Variants in NUP62CL observed in about 807,000 individuals in gnomAD.
NUP62CL encodes the protein nucleoporin-62 C-terminal-like protein.
In NUP62CL, 13 loss-of-function variants were observed where a neutral mutation model predicts 15.3. That is an observed-to-expected ratio of 0.85 (90% CI 0.55 to 1.35). The LOEUF (loss-of-function observed/expected upper bound fraction) is 1.35, where lower values mean the gene tolerates loss of function less well. Among genes scored for constraint, NUP62CL ranks in the 40% most tolerant of loss-of-function variants. NUP62CL has a pLI of 0.00. For synonymous variants in NUP62CL, 54 were observed against 49.2 expected, an observed-to-expected ratio of 1.10 and a Z score of -0.41; for missense variants, 123 against 130.6, an observed-to-expected ratio of 0.94 and a Z score of 0.28.
In NUP62CL at chrX:107,131,511, G is replaced by T. The variant is rs995025302; in HGVS notation, c.*43-7179C>A. On this transcript the variant is annotated intron_variant, in intron 8 of 8. Transcript: ENST00000372466. ...GGAACCATTAGTGAAATTGACAGTT[G>T]GCGATAACAACTAGGGTTTTTAAAT... 2.9e-4 allele frequency: 89 copies of T among 310,003 alleles called. 1 individual carries two copies. The highest frequency in any genetic ancestry group is 4.3e-4 in the Non-Finnish European group (76 of 175,183). The allele number at this position is 310,003 out of a possible 1,213,427, so 25.5% of individuals were successfully genotyped here. A position where few individuals can be genotyped will look rare whatever the true frequency, so the allele number is the denominator to read the frequency against.
chrX:107,129,133 G>C (rs1318156907), intron 8 of NUP62CL, among the ~76,000 whole-genome samples: 1 of 111,769 alleles, frequency 8.9e-6, no homozygotes, highest in African/African-American at 3.3e-5. Context: ...GCATAAAATC[G>C]TAAGGACAAA....
intron 4 of NUP62CL, among the ~76,000 whole-genome samples, chrX:107,157,628 G>A (rs1357438858): frequency 4.6e-5 from 5 of 107,969 alleles, no homozygotes; most frequent in African/African-American, 1.4e-4. Flanking sequence ...CCTGAAGGAA[G>A]CGCTAAACAT....
intron 8 of NUP62CL, among the ~76,000 whole-genome samples, chrX:107,140,284 T>C (rs761474319): frequency 8.9e-6 from 1 of 111,866 alleles, no homozygotes; most frequent in African/African-American, 3.2e-5. Context: ...CATTTCAAAT[T>C]CTACCTTTTC....
intron 8 of NUP62CL, among the ~76,000 whole-genome samples, chrX:107,139,988 G>T (rs1925727942): frequency 9.0e-6 from 1 of 111,645 alleles, no homozygotes; most frequent in Admixed American, 9.5e-5. Flanking sequence ...TCTGATGGGA[G>T]AAAGAGTATT....
chrX:107,140,250 T>C (rs1422390340), intron 8 of NUP62CL, among the ~76,000 whole-genome samples: 1 of 112,246 alleles, frequency 8.9e-6, no homozygotes, highest in Admixed American at 9.4e-5. Context: ...GTCATCCTGT[T>C]GAAATTATTA....
intron 2 of NUP62CL, among the ~76,000 whole-genome samples, chrX:107,189,812 A>G (rs866973161): frequency 3.0e-5 from 2 of 67,279 alleles, no homozygotes; most frequent in Non-Finnish European, 5.4e-5. Context: ...GAGAGAGAGA[A>G]AGAAAGAAAG....
At chrX:107,187,742 A>G (rs781232264) in intron 2 of NUP62CL, among the ~76,000 whole-genome samples, 32 of 112,844 alleles carry the variant, frequency 2.8e-4, no homozygotes, top group Admixed American at 1.0e-3. Context: ...CAATTCTAGT[A>G]AGACTGACAA....
At chrX:107,125,395 C>A (rs983916196) in intron 8 of NUP62CL, among the ~76,000 whole-genome samples, 1 of 110,846 alleles carries the variant, frequency 9.0e-6, no homozygotes, top group Non-Finnish European at 1.9e-5. Flanking sequence ...TGGTTTTTTA[C>A]TGTGTAGGGA....
intron 8 of NUP62CL, chrX:107,132,213 T>C: frequency 9.1e-7 from 1 of 1,099,729 alleles, no homozygotes; most frequent in Non-Finnish European, 1.3e-6. Context: ...CTGGTCCTCT[T>C]ATTGATATAC....
intron 1 of NUP62CL, among the ~76,000 whole-genome samples, chrX:107,205,799 G>A (rs1219786041): frequency 9.0e-6 from 1 of 110,718 alleles, no homozygotes; most frequent in Non-Finnish European, 1.9e-5. Flanking sequence ...GCAGTGGCAA[G>A]CGAGCGGCGC....
intron 8 of NUP62CL, among the ~76,000 whole-genome samples, chrX:107,128,813 A>G (rs1259764743): frequency 8.9e-6 from 1 of 112,138 alleles, no homozygotes; most frequent in Non-Finnish European, 1.9e-5. Context: ...CTTCAAGATG[A>G]GGCTAGAGAA....
chrX:107,125,201 C>A (rs893864718), intron 8 of NUP62CL, among the ~76,000 whole-genome samples: 5 of 111,639 alleles, frequency 4.5e-5, no homozygotes, highest in African/African-American at 1.6e-4. Flanking sequence ...GTAAATGTTT[C>A]TTTTCTTCCT....
chrX:107,198,757 C>A (rs1045969989), intron 1 of NUP62CL, among the ~76,000 whole-genome samples: 1 of 111,793 alleles, frequency 8.9e-6, no homozygotes, highest in African/African-American at 3.3e-5. Context: ...GACCACGAAC[C>A]CACCAGAAGG....
intron 7 of NUP62CL, among the ~76,000 whole-genome samples, chrX:107,149,430 T>C (rs1925957924): frequency 8.9e-6 from 1 of 112,165 alleles, no homozygotes; most frequent in African/African-American, 3.2e-5. Context: ...TAATTTCAGA[T>C]TAATTTATAT....
rs200954471 is a variant in NUP62CL at position 107,123,587 on chromosome X, CAAA to C, written c.*785_*787del. 1 of 106,722 alleles carries C rather than the reference CAAA, an allele frequency of 9.4e-6. No homozygotes were observed. The highest frequency in any genetic ancestry group is 1.0e-4 in the Admixed American group (1 of 10,038). 8.8% of individuals were successfully genotyped at this position (106,722 alleles called of 1,213,427 possible). Reference sequence around the variant, plus strand: ...TTTAAAACAAAACAAAACAAACAAACAAAAAAAAAGAAAAACAAACAAATATAC... The same window carrying C: ...TTTAAAACAAAACAAAACAAACAAACAAAAAAGAAAAACAAACAAATATAC... On this transcript the variant is annotated 3_prime_UTR_variant, in exon 9 of 9. Coordinates refer to ENST00000372466, the MANE Select transcript of NUP62CL (RefSeq NM_017681.3).
chrX:107,150,394 T>C (rs1022882690), intron 7 of NUP62CL, among the ~76,000 whole-genome samples: 3 of 112,251 alleles, frequency 2.7e-5, no homozygotes, highest in African/African-American at 9.7e-5. Flanking sequence ...TGCCTCTAGA[T>C]GTTTCCTGCT....
chrX:107,129,158 CA>C (rs1925454979), intron 8 of NUP62CL, among the ~76,000 whole-genome samples: 1 of 111,495 alleles, frequency 9.0e-6, no homozygotes. Flanking sequence ...AGAAAGGAGA[CA>C]ACAAAAAAAC....
rs569981791 is a variant in NUP62CL at position 107,142,015 on chromosome X, A to G, written c.*42+5728T>C. ...CAGTGAGCCGAGATCATGCCACTGC[A>G]CTCCAGCCTGGGTGACAGAGTGAGG... is the stretch of plus-strand genomic sequence containing the variant. On this transcript the variant is annotated intron_variant, in intron 8 of 8. Transcript: ENST00000372466. Among the ~76,000 whole-genome samples the G allele has an allele frequency of 5.5e-5, 6 of 109,776 alleles. No individual in the cohort carries two copies. The South Asian group carries it at 2.4e-3, about 44-fold the overall frequency.
In NUP62CL at chrX:107,177,417, G is replaced by A. The variant is rs779561075; in HGVS notation, c.-47-2224C>T. 9.0e-5 allele frequency among the ~76,000 whole-genome samples: 10 copies of A among 111,094 alleles called. No individual in the cohort carries two copies. In the South Asian group the frequency reaches 3.1e-3, roughly 34 times the overall value. On this transcript the variant is annotated intron_variant, in intron 2 of 8. Coordinates refer to ENST00000372466, the MANE Select transcript of NUP62CL (RefSeq NM_017681.3). ...AATACCCAGAACTTGTGAACATATC[G>A]CCTTACTTGATAAAAGGGATTTTAC...
Sources: gnomAD v4.1 joint callset for allele counts (sites outside exome capture counted in the v4.1 genomes callset) on GRCh38, gnomAD v4.1.1 for gene constraint, MANE v1.5 for transcripts, NCBI Gene and HGNC (gene_info 2026-07-23, HGNC 2026-07-21) for gene names.